The following NXN variants were observed in gnomAD, a reference collection of about 807,000 sequenced individuals.
NXN encodes the protein nucleoredoxin 1.
NXN carries 16 observed loss-of-function variants against 48.6 expected under a neutral mutation model. The ratio of observed to expected loss-of-function variants is 0.33; its 90% CI spans 0.22 to 0.50. NXN has a LOEUF of 0.50. Ranked by LOEUF, NXN falls within the 20% of genes least tolerant of loss-of-function variation. The probability of loss-of-function intolerance (pLI) is 0.98; values close to 1 mark genes in which losing one functional copy is unlikely to be tolerated. For missense variants in NXN, 492 were observed against 605.5 expected (o/e 0.81, Z 1.97); for synonymous variants, 281 against 269.6 (o/e 1.04, Z -0.41).
At chr17:918,564 G>A (rs138894828) in intron 1 of NXN, among the ~76,000 whole-genome samples, 2,121 of 152,176 alleles carry the variant, frequency 0.014, 45 homozygotes, top group African/African-American at 0.049. Flanking sequence ...AGGCCGAGGC[G>A]GGCGGATCAC....
intron 1 of NXN, among the ~76,000 whole-genome samples, chr17:840,104 AAAAAG>A (rs1914060706): frequency 1.3e-5 from 2 of 151,082 alleles, no homozygotes; most frequent in Non-Finnish European, 2.9e-5. Context: ...CAAAAAAAAA[AAAAAG>A]AGAGAGAGAG....
intron 5 of NXN, among the ~76,000 whole-genome samples, chr17:810,845 T>C (rs2474688): frequency 0.35 from 52,900 of 151,512 alleles, 9,377 homozygotes; most frequent in East Asian, 0.53. Flanking sequence ...GCGGAGATCT[T>C]GCCACTGCAC....
In NXN at chr17:823,892, C is replaced by T. The variant is rs3744744; in HGVS notation, c.479-127G>A. 136,243 of 825,466 alleles carry T rather than the reference C, an allele frequency of 0.17. 11,823 individuals are homozygous for T. Among genetic ancestry groups the T allele is most frequent in the Non-Finnish European group, 0.17 (88,373 of 527,614 alleles). The allele number at this position is 825,466 out of a possible 1,614,324, so 51.1% of individuals were successfully genotyped here. A position where few individuals can be genotyped will look rare whatever the true frequency, so the allele number is the denominator to read the frequency against. On this transcript the variant is annotated intron_variant, in intron 2 of 7. Coordinates refer to ENST00000336868, the MANE Select transcript of NXN (RefSeq NM_022463.5). ...ACCCGGGAGACCTCAGAGCGGCAGG[C>T]GTGACAAGATAATCATCAAACAGTA...
chr17:820,545 G>A (rs1180999578), intron 4 of NXN, among the ~76,000 whole-genome samples: 1 of 140,624 alleles, frequency 7.1e-6, no homozygotes, highest in Non-Finnish European at 1.5e-5. Context: ...CCAGGAGGCG[G>A]AGCTTGCAGT....
intron 5 of NXN, among the ~76,000 whole-genome samples, chr17:812,663 GGTGT>G (rs201317710): frequency 1.1e-4 from 16 of 150,948 alleles, no homozygotes; most frequent in East Asian, 5.9e-4. Flanking sequence ...TGTGACTGTA[GGTGT>G]GTGTGAGTGT....
chr17:954,968 G>C (rs970950506), intron 1 of NXN, among the ~76,000 whole-genome samples: 1 of 152,106 alleles, frequency 6.6e-6, no homozygotes, highest in Non-Finnish European at 1.5e-5. Context: ...ACAGCCACTC[G>C]AGGCTTTCCA....
chr17:886,914 C>T (rs1420338624), intron 1 of NXN, among the ~76,000 whole-genome samples: 1 of 151,938 alleles, frequency 6.6e-6, no homozygotes, highest in African/African-American at 2.4e-5. Flanking sequence ...CTGGATAAAA[C>T]AAACTTTTAT....
rs186480638 is a variant in NXN, at chr17:821,408, C to T, written c.713+949G>A. ...TGCCTGTTTTGTGATTCCTTATCCGCGTGTATCCGTGTACATTCAAATAGC... is the reference window on the plus strand; with the variant it reads ...TGCCTGTTTTGTGATTCCTTATCCGTGTGTATCCGTGTACATTCAAATAGC... On this transcript the variant is annotated intron_variant, in intron 4 of 7. Transcript: ENST00000336868. Among the ~76,000 whole-genome samples, 2 of 78,080 alleles carry T rather than the reference C, an allele frequency of 2.6e-5. 1 individual carries two copies. Among genetic ancestry groups the T allele is most frequent in the Admixed American group, 2.4e-4 (2 of 8,486 alleles). The allele number at this position is 78,080 out of a possible 152,430, so 51.2% of individuals were successfully genotyped here.
rs771903620 is a variant in NXN at position 885,042 on chromosome 17, C to G, written c.361-58964G>C. 7.0e-4 allele frequency among the ~76,000 whole-genome samples: 106 copies of G among 152,296 alleles called. 1 individual carries two copies. Among genetic ancestry groups the G allele is most frequent in the South Asian group, 2.1e-4 (1 of 4,828 alleles). On this transcript the variant is annotated intron_variant, in intron 1 of 7. Transcript: ENST00000336868. ...TTAGGGGTAAGAGGGACATCTAAGA[C>G]CAAGCGGAGCTGAGTCAGGCCTCCT...
Position 946,141 on chromosome 17 carries a change from C to CT in NXN, c.360+33177dup, listed in dbSNP as rs1357874261. Reference sequence around the variant, plus strand: ...CGCTTGAAAGTTCAGAAGACTATCTCTTTTTTTTTTTTGAGATGGAGTCTC... The same window carrying CT: ...CGCTTGAAAGTTCAGAAGACTATCTCTTTTTTTTTTTTTGAGATGGAGTCTC... On this transcript the variant is annotated intron_variant, in intron 1 of 7. Transcript: ENST00000336868. Among the ~76,000 whole-genome samples, 395 of 148,106 alleles carry CT rather than the reference C, an allele frequency of 2.7e-3. 3 individuals carry two copies. The highest frequency in any genetic ancestry group is 8.5e-3 in the African/African-American group (343 of 40,478).
At chr17:869,014 A>G (rs1206690893) in intron 1 of NXN, among the ~76,000 whole-genome samples, 1 of 152,162 alleles carries the variant, frequency 6.6e-6, no homozygotes, top group East Asian at 1.9e-4. Flanking sequence ...AAGGTCTCCC[A>G]GGCTTTCTAT....
chr17:974,778 A>G (rs1199722980), intron 1 of NXN, among the ~76,000 whole-genome samples: 1 of 151,884 alleles, frequency 6.6e-6, no homozygotes. Context: ...GAACAAGAAA[A>G]AGCCTCTCAA....
intron 1 of NXN, among the ~76,000 whole-genome samples, chr17:895,311 C>T (rs935743537): frequency 3.3e-5 from 5 of 152,064 alleles, no homozygotes; most frequent in Admixed American, 3.3e-4. Context: ...GCCACCGCGC[C>T]TGGCCCACCC....
intron 5 of NXN, among the ~76,000 whole-genome samples, chr17:807,243 A>C (rs1312015021): frequency 2.0e-5 from 3 of 151,938 alleles, no homozygotes; most frequent in Non-Finnish European, 4.4e-5. Context: ...CCTTCTCAAA[A>C]TCCCCCCGGC....
intron 1 of NXN, among the ~76,000 whole-genome samples, chr17:827,622 CA>C (rs1186978550): frequency 6.6e-6 from 1 of 151,992 alleles, no homozygotes; most frequent in African/African-American, 2.4e-5. Context: ...GACTCCGTCT[CA>C]AAAAAATAAA....
chr17:974,047 A>G (rs1056366486), intron 1 of NXN, among the ~76,000 whole-genome samples: 1 of 151,830 alleles, frequency 6.6e-6, no homozygotes. Context: ...ATTGGTTTGA[A>G]AAGTTTAAAA....
At chr17:944,410 G>A (rs532575061) in intron 1 of NXN, among the ~76,000 whole-genome samples, 23 of 152,254 alleles carry the variant, frequency 1.5e-4, no homozygotes, top group African/African-American at 5.1e-4. Context: ...CCGCAGGTCC[G>A]TACCCCCGTC....
intron 1 of NXN, among the ~76,000 whole-genome samples, chr17:884,755 C>G (rs2068324298): frequency 6.6e-6 from 1 of 152,190 alleles, no homozygotes; most frequent in East Asian, 1.9e-4. Context: ...TGGACGGTCC[C>G]TCGGGAATTA....
At chr17:880,324 C>A (rs1206520589) in intron 1 of NXN, among the ~76,000 whole-genome samples, 1 of 151,686 alleles carries the variant, frequency 6.6e-6, no homozygotes, top group African/African-American at 2.4e-5. Context: ...GAACTAAATA[C>A]CTTGGATTAA....
Sources: allele counts gnomAD v4.1 joint callset (sites outside exome capture counted in the v4.1 genomes callset), GRCh38; gene constraint gnomAD v4.1.1; transcripts MANE v1.5; gene names NCBI Gene and HGNC (gene_info 2026-07-23, HGNC 2026-07-21).